RABGAP1L: variants seen among roughly 807,000 people sequenced by gnomAD.
RABGAP1L encodes the protein rab GTPase-activating protein 1-like.
In RABGAP1L, 63 loss-of-function variants were observed where a neutral mutation model predicts 137.7. That is an observed-to-expected ratio of 0.46 (90% CI 0.37 to 0.56). RABGAP1L has a LOEUF of 0.56. RABGAP1L is among the 20% of genes least tolerant of loss of function. The pLI, the probability that RABGAP1L is intolerant of heterozygous loss-of-function variation, is 0.00. For missense variants in RABGAP1L, 1,095 were observed against 1,244.0 expected (o/e 0.88, Z 1.80); for synonymous variants, 431 against 433.7 (o/e 0.99, Z 0.08).
At chr1:174,194,587 G>A (rs1039118034) in intron 1 of RABGAP1L, among the ~76,000 whole-genome samples, 4 of 152,126 alleles carry the variant, frequency 2.6e-5, no homozygotes, top group African/African-American at 9.7e-5. Flanking sequence ...AAATCTTAGA[G>A]ACCAGTTCTG....
At chr1:174,822,328 G>A (rs1691117449) in intron 19 of RABGAP1L, among the ~76,000 whole-genome samples, 1 of 152,206 alleles carries the variant, frequency 6.6e-6, no homozygotes, top group Non-Finnish European at 1.5e-5. Context: ...GTTTGCCTTT[G>A]AGACTTCTAT....
intron 1 of RABGAP1L, among the ~76,000 whole-genome samples, chr1:174,203,280 C>T (rs1267128574): frequency 6.6e-6 from 1 of 151,800 alleles, no homozygotes; most frequent in Non-Finnish European, 1.5e-5. Context: ...CCCCATTGCT[C>T]ATTTGTATAT....
chr1:174,870,627 A>G (rs1652023678), intron 19 of RABGAP1L, among the ~76,000 whole-genome samples: 1 of 152,226 alleles, frequency 6.6e-6, no homozygotes, highest in Non-Finnish European at 1.5e-5. Flanking sequence ...TTATCTACAA[A>G]AAAGGAATAA....
At chr1:174,658,563 C>G (rs1316179676) in intron 14 of RABGAP1L, among the ~76,000 whole-genome samples, 1 of 152,078 alleles carries the variant, frequency 6.6e-6, no homozygotes, top group African/African-American at 2.4e-5. Context: ...GTGCAAATAC[C>G]CTCCTTACCA....
At chr1:174,484,946 A>T (rs919793748) in intron 13 of RABGAP1L, among the ~76,000 whole-genome samples, 1 of 152,184 alleles carries the variant, frequency 6.6e-6, no homozygotes, top group African/African-American at 2.4e-5. Flanking sequence ...TTTGTGTAAT[A>T]TGGACATTTT....
chr1:174,164,204 T>G (rs1664734990), intron 1 of RABGAP1L, among the ~76,000 whole-genome samples: 1 of 151,884 alleles, frequency 6.6e-6, no homozygotes, highest in South Asian at 2.1e-4. Context: ...CCTTGGCACT[T>G]GGCTGATATT....
chr1:174,554,288 T>C (rs988796949), intron 13 of RABGAP1L, among the ~76,000 whole-genome samples: 5 of 152,216 alleles, frequency 3.3e-5, no homozygotes, highest in Non-Finnish European at 7.3e-5. Flanking sequence ...CCCTTTTCTT[T>C]GATTTTCTAT....
chr1:174,160,179 G>T (rs144922995), intron 1 of RABGAP1L, among the ~76,000 whole-genome samples: 8 of 152,274 alleles, frequency 5.3e-5, no homozygotes, highest in African/African-American at 1.9e-4. Context: ...TTGTGGTTTT[G>T]CAGTTTGGGA....
intron 5 of RABGAP1L, among the ~76,000 whole-genome samples, chr1:174,243,849 T>C (rs1427832306): frequency 6.6e-6 from 1 of 152,218 alleles, no homozygotes; most frequent in African/African-American, 2.4e-5. Flanking sequence ...GGTTTTAAGT[T>C]GAAGTCTTTG....
At chr1:174,965,478 A>G (rs1010310964) in intron 20 of RABGAP1L, among the ~76,000 whole-genome samples, 2 of 152,208 alleles carry the variant, frequency 1.3e-5, no homozygotes, top group Admixed American at 6.5e-5. Context: ...CCATTCTAGT[A>G]TACAGGCAAA....
Position 174,603,772 on chromosome 1 carries a change from G to A in RABGAP1L, c.1711-33603G>A, listed in dbSNP as rs58465086. The stretch of plus-strand genomic sequence containing the variant: ...AAGGCCCATGCAGATGATGAATGCC[G>A]CCAGAACTGGGTTCTCCCCTACAAG... On this transcript the variant is annotated intron_variant, in intron 13 of 25. Coordinates refer to ENST00000681986, the MANE Select transcript of RABGAP1L (RefSeq NM_001366446.1). 1.4e-3 allele frequency among the ~76,000 whole-genome samples: 207 copies of A among 151,978 alleles called. 1 individual carries two copies. Among genetic ancestry groups the A allele is most frequent in the African/African-American group, 4.6e-3 (191 of 41,438 alleles).
intron 11 of RABGAP1L, among the ~76,000 whole-genome samples, chr1:174,362,309 G>GCTA (rs2148967565): frequency 6.6e-6 from 1 of 152,316 alleles, no homozygotes; most frequent in South Asian, 2.1e-4. Flanking sequence ...TAATGGGATT[G>GCTA]CTGGGTCAAA....
chr1:174,858,982 T>C (rs951278823), intron 19 of RABGAP1L, among the ~76,000 whole-genome samples: 1 of 152,180 alleles, frequency 6.6e-6, no homozygotes, highest in Non-Finnish European at 1.5e-5. Context: ...AGTTCAACCA[T>C]TGTGGAAAAG....
intron 18 of RABGAP1L, among the ~76,000 whole-genome samples, chr1:174,798,816 A>G (rs1176516243): frequency 1.3e-5 from 2 of 152,230 alleles, no homozygotes; most frequent in Non-Finnish European, 2.9e-5. Flanking sequence ...GAGAGCAACT[A>G]CAGAACCACA....
intron 10 of RABGAP1L, among the ~76,000 whole-genome samples, chr1:174,302,746 A>G (rs1677840453): frequency 6.6e-6 from 1 of 152,180 alleles, no homozygotes. Flanking sequence ...AAAATATCAA[A>G]TGTTTTCTTG....
intron 18 of RABGAP1L, among the ~76,000 whole-genome samples, chr1:174,807,246 T>A (rs2148843668): frequency 6.6e-6 from 1 of 152,312 alleles, no homozygotes; most frequent in African/African-American, 2.4e-5. Context: ...ATTAGGCTTT[T>A]AAAAAATTTT....
At chr1:174,944,013 A>G (rs1193792429) in intron 19 of RABGAP1L, among the ~76,000 whole-genome samples, 7 of 152,040 alleles carry the variant, frequency 4.6e-5, no homozygotes, top group Admixed American at 4.6e-4. Flanking sequence ...GCTCACGCCT[A>G]TAATCCCAGC....
At chr1:174,587,735 G>A (rs948647777) in intron 13 of RABGAP1L, among the ~76,000 whole-genome samples, 6 of 152,108 alleles carry the variant, frequency 3.9e-5, no homozygotes, top group Non-Finnish European at 7.4e-5. Context: ...TATTTATGGG[G>A]TACTTGAGAT....
intron 19 of RABGAP1L, among the ~76,000 whole-genome samples, chr1:174,925,365 A>AC (rs1365062911): frequency 1.0e-4 from 15 of 149,016 alleles, no homozygotes; most frequent in Middle Eastern, 3.4e-3. Context: ...AAAAAAAAAA[A>AC]AAAAAAAAAA....
Sources: allele counts gnomAD v4.1 joint callset (sites outside exome capture counted in the v4.1 genomes callset), GRCh38; gene constraint gnomAD v4.1.1; transcripts MANE v1.5; gene names NCBI Gene and HGNC (gene_info 2026-07-23, HGNC 2026-07-21).